The following SEZ6L variants were observed in gnomAD, a reference collection of about 807,000 sequenced individuals.
The protein encoded by SEZ6L is seizure 6-like protein.
In SEZ6L, 37 loss-of-function variants were observed where a neutral mutation model predicts 106.2. The ratio of observed to expected loss-of-function variants is 0.35; its 90% CI spans 0.27 to 0.46. The LOEUF (loss-of-function observed/expected upper bound fraction) is 0.46. SEZ6L is among the 20% of genes least tolerant of loss of function. The probability of loss-of-function intolerance (pLI) is 1.00; values close to 1 mark genes in which losing one functional copy is unlikely to be tolerated. For missense variants in SEZ6L, 1,172 were observed against 1,332.8 expected (o/e 0.88, Z 1.88); for synonymous variants, 541 against 570.4 (o/e 0.95, Z 0.73).
chr22:26,204,216 G>C (rs1301950506), intron 1 of SEZ6L, among the ~76,000 whole-genome samples: 1 of 152,122 alleles, frequency 6.6e-6, no homozygotes, highest in Non-Finnish European at 1.5e-5. Flanking sequence ...TCATAGAAAG[G>C]TACAATACAG....
intron 9 of SEZ6L, among the ~76,000 whole-genome samples, chr22:26,339,496 A>C (rs1028628526): frequency 3.9e-5 from 6 of 152,150 alleles, no homozygotes; most frequent in East Asian, 1.9e-4. Context: ...TTAACTATCC[A>C]CTGTGGTTTA....
intron 3 of SEZ6L, among the ~76,000 whole-genome samples, chr22:26,295,304 A>C (rs1234120648): frequency 6.6e-6 from 1 of 152,230 alleles, no homozygotes; most frequent in Non-Finnish European, 1.5e-5. Context: ...AATCGCGACC[A>C]TGCAGTGCAT....
chr22:26,291,068 A>G (rs1366344855), intron 1 of SEZ6L, among the ~76,000 whole-genome samples: 1 of 152,262 alleles, frequency 6.6e-6, no homozygotes, highest in Non-Finnish European at 1.5e-5. Context: ...TGACTCAGCA[A>G]TCCCATTACT....
At chr22:26,311,221 T>A (rs1419795365) in intron 7 of SEZ6L, among the ~76,000 whole-genome samples, 1 of 152,154 alleles carries the variant, frequency 6.6e-6, no homozygotes, top group Non-Finnish European at 1.5e-5. Flanking sequence ...TTTCTGTCCA[T>A]CCTGTGCTGG....
At chr22:26,237,938 A>G (rs561061006) in intron 1 of SEZ6L, among the ~76,000 whole-genome samples, 3 of 152,304 alleles carry the variant, frequency 2.0e-5, no homozygotes, top group East Asian at 1.9e-4. Context: ...TTTGTCCCCA[A>G]TCAATCTGGA....
chr22:26,269,863 A>G (rs2080307587), intron 1 of SEZ6L, among the ~76,000 whole-genome samples: 1 of 152,226 alleles, frequency 6.6e-6, no homozygotes, highest in African/African-American at 2.4e-5. Flanking sequence ...TGTTCCAGCT[A>G]TGGCCAATGA....
Position 26,354,834 on chromosome 22 carries a change from G to A in SEZ6L, c.2599+3591G>A, listed in dbSNP as rs545837644. ...CATTGGATCTGCAGTGCTGAGTAGAGACGGCTTCCCTTACACCCATGCTAA... is the reference window on the plus strand; with the variant it reads ...CATTGGATCTGCAGTGCTGAGTAGAAACGGCTTCCCTTACACCCATGCTAA... On this transcript the variant is annotated intron_variant, in intron 12 of 16. Coordinates refer to ENST00000248933, the MANE Select transcript of SEZ6L (RefSeq NM_021115.5). Among the ~76,000 whole-genome samples the A allele has an allele frequency of 2.0e-5, 3 of 152,302 alleles. No homozygotes were observed. In the East Asian group the frequency reaches 5.8e-4, roughly 29 times the overall value.
At chr22:26,355,743 C>A (rs1569476472) in intron 12 of SEZ6L, among the ~76,000 whole-genome samples, 1 of 151,930 alleles carries the variant, frequency 6.6e-6, no homozygotes, top group African/African-American at 2.4e-5. Flanking sequence ...AACATAGAAA[C>A]AGAAAAGAAA....
intron 12 of SEZ6L, among the ~76,000 whole-genome samples, chr22:26,355,808 G>T (rs2083419950): frequency 6.6e-6 from 1 of 152,168 alleles, no homozygotes; most frequent in East Asian, 1.9e-4. Context: ...CCAGTCACTT[G>T]CCCAAAGCCA....
intron 6 of SEZ6L, among the ~76,000 whole-genome samples, 182 bp downstream of exon 6, chr22:26,306,326 G>A (rs2081630919): frequency 6.6e-6 from 1 of 152,176 alleles, no homozygotes; most frequent in Non-Finnish European, 1.5e-5. Context: ...TTACAGATAA[G>A]GAAACCAGGG....
At chr22:26,323,132 C>A (rs571896826) in intron 9 of SEZ6L, among the ~76,000 whole-genome samples, 11 of 152,286 alleles carry the variant, frequency 7.2e-5, no homozygotes, top group Admixed American at 6.5e-4. Context: ...GGGGCCACAA[C>A]CTTGAAGATG....
chr22:26,170,197 C>T (rs930719194), intron 1 of SEZ6L, among the ~76,000 whole-genome samples: 1 of 151,942 alleles, frequency 6.6e-6, no homozygotes, highest in South Asian at 2.1e-4. Context: ...CAACTGAGGA[C>T]TAGACTCAAA....
chr22:26,367,721 G>C (rs893098192), intron 13 of SEZ6L, among the ~76,000 whole-genome samples: 1 of 152,102 alleles, frequency 6.6e-6, no homozygotes, highest in Non-Finnish European at 1.5e-5. Flanking sequence ...GTTCCCATGG[G>C]TTAGGAGTGT....
chr22:26,189,440 C>T (rs1940022518), intron 1 of SEZ6L, among the ~76,000 whole-genome samples: 1 of 152,134 alleles, frequency 6.6e-6, no homozygotes, highest in Non-Finnish European at 1.5e-5. Flanking sequence ...TACAGTCAAT[C>T]CTCCCCTCTG....
At chr22:26,282,311 A>T (rs994884736) in intron 1 of SEZ6L, among the ~76,000 whole-genome samples, 1 of 152,202 alleles carries the variant, frequency 6.6e-6, no homozygotes, top group African/African-American at 2.4e-5. Context: ...TACTATAAAC[A>T]ATGCTTTGTA....
At chr22:26,324,843 G>C (rs540607849) in intron 9 of SEZ6L, among the ~76,000 whole-genome samples, 1 of 152,310 alleles carries the variant, frequency 6.6e-6, no homozygotes, top group African/African-American at 2.4e-5. Flanking sequence ...CTATCAGTCA[G>C]CTATTGCTGT....
At chr22:26,320,556 G>A (rs1014103093) in intron 9 of SEZ6L, among the ~76,000 whole-genome samples, 2 of 152,200 alleles carry the variant, frequency 1.3e-5, no homozygotes, top group Admixed American at 6.5e-5. Flanking sequence ...TATATTTATT[G>A]AGCATCCACT....
intron 1 of SEZ6L, among the ~76,000 whole-genome samples, chr22:26,240,835 T>C (rs1028931672): frequency 4.6e-5 from 7 of 151,834 alleles, no homozygotes; most frequent in Non-Finnish European, 8.8e-5. Flanking sequence ...TGTTGGAGGG[T>C]GTCAGGTGCT....
intron 1 of SEZ6L, chr22:26,244,699 G>A (rs552546052): frequency 3.3e-5 from 5 of 151,040 alleles, no homozygotes; most frequent in Admixed American, 3.3e-4. Context: ...GCTATGTTGA[G>A]GGTAGGAAAA....
Sources: allele counts gnomAD v4.1 joint callset (sites outside exome capture counted in the v4.1 genomes callset), GRCh38; gene constraint gnomAD v4.1.1; transcripts MANE v1.5; gene names NCBI Gene and HGNC (gene_info 2026-07-23, HGNC 2026-07-21).